Variants in NRCAM observed in about 807,000 individuals in gnomAD.
NRCAM encodes neuronal cell adhesion molecule.
Under a neutral mutation model 156.5 loss-of-function variants are expected in NRCAM, and 83 were observed. The observed-to-expected ratio is 0.53, with a 90% CI of 0.44 to 0.64. The LOEUF (loss-of-function observed/expected upper bound fraction) is 0.64. NRCAM is among the 30% of genes least tolerant of loss of function. NRCAM has a pLI of 0.00. For synonymous variants in NRCAM, 538 were observed against 563.9 expected (o/e 0.95, Z 0.65); for missense variants, 1,417 against 1,597.3 (o/e 0.89, Z 1.92).
At chr7:108,398,037 T>C (rs972418361) in intron 2 of NRCAM, among the ~76,000 whole-genome samples, 1 of 152,180 alleles carries the variant, frequency 6.6e-6, no homozygotes, top group Admixed American at 6.5e-5. Flanking sequence ...ATCAAATACA[T>C]AATTAAGAAA....
intron 3 of NRCAM, among the ~76,000 whole-genome samples, chr7:108,300,120 G>C (rs890514187): frequency 7.8e-5 from 11 of 141,214 alleles, no homozygotes; most frequent in Non-Finnish European, 1.5e-5. Context: ...AGATATTACT[G>C]CCTACATACA....
intron 27 of NRCAM, among the ~76,000 whole-genome samples, chr7:108,175,858 A>G (rs940430926): frequency 1.3e-5 from 2 of 152,166 alleles, no homozygotes; most frequent in African/African-American, 4.8e-5. Flanking sequence ...AAATACTATA[A>G]TGGGCTATTT....
intron 25 of NRCAM, among the ~76,000 whole-genome samples, chr7:108,179,777 A>G (rs2062510211): frequency 6.6e-6 from 1 of 152,226 alleles, no homozygotes; most frequent in South Asian, 2.1e-4. Flanking sequence ...GAGCACTAAG[A>G]AAGAAACTAT....
intron 5 of NRCAM, among the ~76,000 whole-genome samples, chr7:108,236,488 G>C (rs989124916): frequency 6.6e-6 from 1 of 151,970 alleles, no homozygotes; most frequent in African/African-American, 2.4e-5. Context: ...AAGGTGGCCT[G>C]ATTGTTAAGC....
chr7:108,231,232 C>G, intron 7 of NRCAM, 79 bp from the exon 8 acceptor site: 1 of 1,038,540 alleles, frequency 9.6e-7, no homozygotes, highest in Admixed American at 3.3e-5. Flanking sequence ...TAAAGGCAAA[C>G]TGAAGTTTTG....
In NRCAM at chr7:108,149,133, ATTTG is replaced by A. The variant is rs1237204568; in HGVS notation, c.*773_*776del. ...TAATGTTTGAAATTTAATTTGGATG[ATTTG>A]TTTTTGATTCTTTCAGTATGGCACA... On this transcript the variant is annotated 3_prime_UTR_variant, in exon 33 of 33. Coordinates refer to ENST00000379028, the MANE Select transcript of NRCAM (RefSeq NM_001037132.4). 6.6e-6 allele frequency: 1 copy of A among 152,610 alleles called. No individual in the cohort carries two copies. Among genetic ancestry groups the A allele is most frequent in the Non-Finnish European group, 1.5e-5 (1 of 68,042 alleles). 9.5% of individuals were successfully genotyped at this position (152,610 alleles called of 1,614,324 possible). A position where few individuals can be genotyped will look rare whatever the true frequency, so the allele number is the denominator to read the frequency against.
At chr7:108,206,676 G>A (rs769508821) in intron 13 of NRCAM, among the ~76,000 whole-genome samples, 2 of 152,158 alleles carry the variant, frequency 1.3e-5, no homozygotes, top group Non-Finnish European at 1.5e-5. Flanking sequence ...GAGCAGTGAG[G>A]TGCAACATCC....
chr7:108,181,394 C>A (rs558477284), intron 24 of NRCAM, among the ~76,000 whole-genome samples: 1 of 151,992 alleles, frequency 6.6e-6, no homozygotes, highest in Non-Finnish European at 1.5e-5. Context: ...TAAGAATGAC[C>A]TAGCTAAGAG....
At chr7:108,183,700 C>T (rs1346617654) in intron 22 of NRCAM, among the ~76,000 whole-genome samples, 1 of 152,112 alleles carries the variant, frequency 6.6e-6, no homozygotes, top group Non-Finnish European at 1.5e-5. Context: ...CTACACCCGG[C>T]TAATTTTTGT....
rs1279592331 is a variant in NRCAM at position 108,312,653 on chromosome 7, A to G, written c.-107+12T>C. The stretch of plus-strand genomic sequence containing the variant: ...CTACGAATTCAAATGTTTTGAGAAG[A>G]CAAACTCTTACCTTTGAAGAAGCTC... On this transcript the variant is annotated intron_variant, in intron 3 of 32. Coordinates refer to ENST00000379028, the MANE Select transcript of NRCAM (RefSeq NM_001037132.4). The G allele has an allele frequency of 6.6e-6, 1 of 152,216 alleles. No individual in the cohort carries two copies. The highest frequency in any genetic ancestry group is 6.5e-5 in the Admixed American group (1 of 15,274). 9.4% of individuals were successfully genotyped at this position (152,216 alleles called of 1,614,324 possible).
At chr7:108,329,677 G>A (rs1014898942) in intron 2 of NRCAM, among the ~76,000 whole-genome samples, 1 of 152,122 alleles carries the variant, frequency 6.6e-6, no homozygotes, top group African/African-American at 2.4e-5. Context: ...TTAGAATAAT[G>A]CCCTTCTTCA....
chr7:108,208,460 T>C (rs2082315011), intron 12 of NRCAM, among the ~76,000 whole-genome samples: 1 of 152,226 alleles, frequency 6.6e-6, no homozygotes, highest in Non-Finnish European at 1.5e-5. Flanking sequence ...TAACATCTTA[T>C]GTGACCATGG....
chr7:108,237,365 G>C (rs796224560), intron 5 of NRCAM, among the ~76,000 whole-genome samples: 1 of 152,256 alleles, frequency 6.6e-6, no homozygotes, highest in African/African-American at 2.4e-5. Context: ...TAAAGCTTTT[G>C]CCTGCACCCA....
At chr7:108,206,890 G>T (rs2081442358) in intron 13 of NRCAM, among the ~76,000 whole-genome samples, 1 of 152,154 alleles carries the variant, frequency 6.6e-6, no homozygotes, top group Admixed American at 6.5e-5. Context: ...GCTGAACGGG[G>T]CAACAAGTAT....
chr7:108,197,944 A>T lies in NRCAM; in HGVS notation c.1351+12T>A, dbSNP rs372321419. On this transcript the variant is annotated intron_variant, in intron 14 of 32. Coordinates refer to ENST00000379028, the MANE Select transcript of NRCAM (RefSeq NM_001037132.4). ...TTTAATTTGCCATGTCTTTAATAAAATGAGAGCTTACCCAGCACATTTACA... is the reference window on the plus strand; with the variant it reads ...TTTAATTTGCCATGTCTTTAATAAATTGAGAGCTTACCCAGCACATTTACA... The T allele has an allele frequency of 4.5e-6, 7 of 1,546,266 alleles. No individual in the cohort carries two copies. Among genetic ancestry groups the T allele is most frequent in the Non-Finnish European group, 6.1e-6 (7 of 1,152,190 alleles).
intron 1 of NRCAM, among the ~76,000 whole-genome samples, chr7:108,408,344 C>T (rs1373129884): frequency 2.0e-5 from 3 of 152,178 alleles, no homozygotes; most frequent in African/African-American, 4.8e-5. Context: ...CTAGGAAGAA[C>T]TAAACGGAGA....
intron 6 of NRCAM, among the ~76,000 whole-genome samples, chr7:108,233,844 A>T (rs1485844210): frequency 6.6e-6 from 1 of 152,188 alleles, no homozygotes; most frequent in Non-Finnish European, 1.5e-5. Context: ...TCCATATATG[A>T]CTGGACATGT....
At chr7:108,308,700 T>G (rs1476363454) in intron 3 of NRCAM, among the ~76,000 whole-genome samples, 1 of 152,212 alleles carries the variant, frequency 6.6e-6, no homozygotes, top group Non-Finnish European at 1.5e-5. Context: ...GATGTCTTTC[T>G]TCAAACACAT....
In NRCAM at chr7:108,149,675, G is replaced by C; in HGVS notation, c.*235C>G. 1 of 539,538 alleles carries C rather than the reference G, an allele frequency of 1.9e-6. No homozygotes were observed. The highest frequency in any genetic ancestry group is 3.6e-5 in the Admixed American group (1 of 28,046). 33.4% of individuals were successfully genotyped at this position (539,538 alleles called of 1,614,324 possible). On this transcript the variant is annotated 3_prime_UTR_variant, in exon 33 of 33. Transcript: ENST00000379028. The stretch of plus-strand genomic sequence containing the variant: ...GGTGATGTTGCATTATTTTTTATCA[G>C]TTCTGAGGAAATCAAGAATACCCAT...
Sources: allele counts gnomAD v4.1 joint callset (sites outside exome capture counted in the v4.1 genomes callset), GRCh38; gene constraint gnomAD v4.1.1; transcripts MANE v1.5; gene names NCBI Gene and HGNC (gene_info 2026-07-23, HGNC 2026-07-21).